The following HTR2C variants were observed in gnomAD, a reference collection of about 807,000 sequenced individuals.
The protein encoded by HTR2C is 5-hydroxytryptamine (serotonin) receptor 2C, G protein-coupled.
In HTR2C, 5 loss-of-function variants were observed where a neutral mutation model predicts 21.0. The observed-to-expected ratio is 0.24, with a 90% CI of 0.12 to 0.50. The LOEUF is 0.50. Among genes scored for constraint, HTR2C ranks in the 20% least tolerant of loss-of-function variants. HTR2C has a pLI of 0.98. For missense variants in HTR2C, 271 were observed against 371.2 expected (o/e 0.73, Z 2.22); for synonymous variants, 150 against 145.3 (o/e 1.03, Z -0.23).
chrX:114,801,811 G>A (rs1257344673), intron 4 of HTR2C, among the ~76,000 whole-genome samples: 1 of 110,464 alleles, frequency 9.1e-6, no homozygotes, highest in African/African-American at 3.3e-5. Context: ...TGCTTTCTTT[G>A]TGATACAATC....
intron 4 of HTR2C, among the ~76,000 whole-genome samples, chrX:114,782,523 C>A (rs1363908426): frequency 9.1e-6 from 1 of 110,460 alleles, no homozygotes; most frequent in African/African-American, 3.3e-5. Context: ...TTGAGACTAG[C>A]CTGGGCAACA....
chrX:114,616,585 C>CCATCTTGTGGCT (rs376113211), intron 2 of HTR2C, among the ~76,000 whole-genome samples: 1 of 111,488 alleles, frequency 9.0e-6, no homozygotes, highest in African/African-American at 3.3e-5. Flanking sequence ...CCGCGCCCAG[C>CCATCTTGTGGCT]ATTTTAAGCT....
chrX:114,852,527 T>C (rs781853163), intron 5 of HTR2C, among the ~76,000 whole-genome samples: 1 of 111,887 alleles, frequency 8.9e-6, no homozygotes, highest in Non-Finnish European at 1.9e-5. Flanking sequence ...TTTGTTCTTT[T>C]ACTTGGAAAT....
intron 2 of HTR2C, among the ~76,000 whole-genome samples, chrX:114,725,769 C>T (rs1339259897): frequency 3.7e-5 from 4 of 108,412 alleles, no homozygotes; most frequent in South Asian, 4.1e-4. Context: ...TTGGAGTACC[C>T]GGCCGTGTGA....
chrX:114,776,703 T>C, intron 4 of HTR2C: 1 of 458,790 alleles, frequency 2.2e-6, no homozygotes, highest in Non-Finnish European at 4.1e-6. Context: ...ATCTCTACTT[T>C]TCCATGCTGG....
At chrX:114,830,174 G>T (rs1013411633) in intron 4 of HTR2C, among the ~76,000 whole-genome samples, 4 of 111,330 alleles carry the variant, frequency 3.6e-5, no homozygotes, top group Non-Finnish European at 7.5e-5. Flanking sequence ...TGCCACTATA[G>T]ATGGGCAATT....
chrX:114,655,209 G>T (rs992247398), intron 2 of HTR2C, among the ~76,000 whole-genome samples: 9 of 110,882 alleles, frequency 8.1e-5, no homozygotes, highest in African/African-American at 2.6e-4. Context: ...TTCTAAGAGG[G>T]TGATGTATTT....
At chrX:114,797,513 G>A (rs782790471) in intron 4 of HTR2C, among the ~76,000 whole-genome samples, 1 of 110,126 alleles carries the variant, frequency 9.1e-6, no homozygotes, top group Admixed American at 9.6e-5. Flanking sequence ...ATGCCACAGT[G>A]TATATAAACT....
At chrX:114,641,045 TTTCTTTC>T (rs1930091485) in intron 2 of HTR2C, among the ~76,000 whole-genome samples, 1 of 101,072 alleles carries the variant, frequency 9.9e-6, no homozygotes, top group Admixed American at 1.1e-4. Context: ...TCTTTCTTTC[TTTCTTTC>T]TTTTTTTCTT....
chrX:114,841,116 C>T (rs782121756), intron 4 of HTR2C, among the ~76,000 whole-genome samples: 2 of 111,943 alleles, frequency 1.8e-5, no homozygotes, highest in East Asian at 5.7e-4. Context: ...TTTCACCTTA[C>T]TTTTCCTTAC....
rs1556486936 is a variant in HTR2C at position 114,906,777 on chromosome X, A to G, written c.739A>G (p.Met247Val). Reference sequence around the variant, plus strand: ...CTACGTTCTGCGCCGACAAGCTTTGATGTTACTGCACGGCCACACCGAGGA... The same window carrying G: ...CTACGTTCTGCGCCGACAAGCTTTGGTGTTACTGCACGGCCACACCGAGGA... ...TIYVLRRQAL[M>V]LLHGHTEEPP... is the part of the protein sequence containing the mutation. Residue 247 changes from methionine to valine, a missense_variant, in exon 6 of 6, where the codon ATG (methionine) becomes GTG (valine). Coordinates refer to ENST00000276198, the MANE Select transcript of HTR2C (RefSeq NM_000868.4). 8.3e-7 allele frequency: 1 copy of G among 1,210,907 alleles called. No homozygotes were observed. The highest frequency in any genetic ancestry group is 2.2e-5 in the Admixed American group (1 of 45,923).
intron 2 of HTR2C, among the ~76,000 whole-genome samples, chrX:114,718,812 A>G (rs1933071425): frequency 9.3e-6 from 1 of 108,010 alleles, no homozygotes; most frequent in African/African-American, 3.4e-5. Context: ...AAGTTAATCA[A>G]TCTTTTTCTG....
intron 5 of HTR2C, among the ~76,000 whole-genome samples, chrX:114,865,218 G>C (rs781826302): frequency 2.0e-3 from 221 of 111,834 alleles, no homozygotes; most frequent in Non-Finnish European, 3.2e-3. Flanking sequence ...GCTAACCAAT[G>C]TTGTTTGTAT....
At chrX:114,850,217 T>G (rs1429861555) in intron 5 of HTR2C, among the ~76,000 whole-genome samples, 5 of 110,652 alleles carry the variant, frequency 4.5e-5, no homozygotes, top group Non-Finnish European at 1.9e-5. Context: ...AAGACTAGCC[T>G]GGACAACATG....
intron 4 of HTR2C, among the ~76,000 whole-genome samples, chrX:114,785,487 T>C (rs2070165747): frequency 9.0e-6 from 1 of 111,633 alleles, no homozygotes. Flanking sequence ...CATTAGAAAA[T>C]CAATTAGTGT....
intron 5 of HTR2C, among the ~76,000 whole-genome samples, chrX:114,902,569 A>C (rs1162018993): frequency 9.0e-6 from 1 of 111,484 alleles, no homozygotes; most frequent in African/African-American, 3.3e-5. Flanking sequence ...TCAGAGAGAA[A>C]ACAGGCATTG....
At chrX:114,633,518 C>A (rs1458763877) in intron 2 of HTR2C, among the ~76,000 whole-genome samples, 1 of 111,393 alleles carries the variant, frequency 9.0e-6, no homozygotes, top group Non-Finnish European at 1.9e-5. Context: ...GGTGTAACTG[C>A]CATTGTTCAA....
At chrX:114,666,191 A>C (rs1370268126) in intron 2 of HTR2C, among the ~76,000 whole-genome samples, 1 of 111,880 alleles carries the variant, frequency 8.9e-6, no homozygotes, top group African/African-American at 3.2e-5. Context: ...AGCTGCTAAA[A>C]AGATTGCAAA....
intron 4 of HTR2C, among the ~76,000 whole-genome samples, chrX:114,778,435 G>A (rs1440620186): frequency 9.0e-6 from 1 of 110,916 alleles, no homozygotes; most frequent in Non-Finnish European, 1.9e-5. Context: ...GAAGTGATCA[G>A]GCAAATTATA....
Sources: allele counts gnomAD v4.1 joint callset (sites outside exome capture counted in the v4.1 genomes callset), GRCh38; gene constraint gnomAD v4.1.1; transcripts MANE v1.5; gene names NCBI Gene and HGNC (gene_info 2026-07-23, HGNC 2026-07-21).